The following NAV2 variants were observed in gnomAD, a reference collection of about 807,000 sequenced individuals.
The protein encoded by NAV2 is neuron navigator 2.
NAV2 carries 54 observed loss-of-function variants against 223.2 expected under a neutral mutation model. That is an observed-to-expected ratio of 0.24 (90% confidence interval 0.19 to 0.30). The LOEUF is 0.30. NAV2 is among the 10% of genes least tolerant of loss of function. NAV2 has a pLI of 1.00. For synonymous variants in NAV2, 1,279 were observed against 1,239.3 expected (o/e 1.03, Z -0.67); for missense variants, 2,806 against 3,147.5 (o/e 0.89, Z 2.60).
chr11:19,971,909 G>A (rs1412230074), intron 10 of NAV2, among the ~76,000 whole-genome samples: 1 of 152,148 alleles, frequency 6.6e-6, no homozygotes, highest in African/African-American at 2.4e-5. Context: ...CACCATGTTG[G>A]CTAGGCTGGT....
Position 19,713,893 on chromosome 11 carries a change from G to T in NAV2, c.198G>T (p.Leu66=). ...TGAAATCGCAGGTGCTGCAGGGGCT[G>T]CAGGAGCCAGCGGGGGAGGGGCTCC... is the stretch of plus-strand genomic sequence containing the variant. ...IPLKSQVLQG[L]QEPAGEGLPL... The change falls in exon 1 of 38, where the codon CTG becomes CTT. Residue 66 remains leucine, a synonymous_variant. Transcript: ENST00000349880. The surrounding 1 kb of genome is among the most constrained non-coding windows in gnomAD (Gnocchi z 7.2). 6.2e-7 allele frequency: 1 copy of T among 1,613,616 alleles called. No homozygotes were observed. The highest frequency in any genetic ancestry group is 1.3e-5 in the African/African-American group (1 of 75,064).
intron 1 of NAV2, among the ~76,000 whole-genome samples, chr11:19,638,870 G>C (rs911414557): frequency 1.3e-5 from 2 of 152,304 alleles, no homozygotes; most frequent in East Asian, 3.9e-4. Flanking sequence ...GCGCACACCT[G>C]TAATCCCAGC....
chr11:19,631,522 T>A (rs1179895691), intron 1 of NAV2, among the ~76,000 whole-genome samples: 1 of 152,210 alleles, frequency 6.6e-6, no homozygotes, highest in Non-Finnish European at 1.5e-5. Context: ...ATCTTTCCTT[T>A]TGTATCTAGA....
rs554356593 is a variant in NAV2 at position 19,910,976 on chromosome 11, G to A, written c.931+18382G>A. On this transcript the variant is annotated intron_variant, in intron 6 of 37. Coordinates refer to ENST00000349880, the MANE Select transcript of NAV2 (RefSeq NM_145117.5). Reference sequence around the variant, plus strand: ...CCCCCAAAATGCCCTTAAGTGTAAGGTAATGCTTAATCCCTGTCTCACTGG... The same window carrying A: ...CCCCCAAAATGCCCTTAAGTGTAAGATAATGCTTAATCCCTGTCTCACTGG... 2.6e-5 allele frequency among the ~76,000 whole-genome samples: 4 copies of A among 151,668 alleles called. No individual in the cohort carries two copies. The South Asian group carries it at 6.3e-4, about 24-fold the overall frequency.
chr11:20,117,523 C>T (rs192209798), intron 37 of NAV2, among the ~76,000 whole-genome samples: 1 of 152,300 alleles, frequency 6.6e-6, no homozygotes, highest in Non-Finnish European at 1.5e-5. Flanking sequence ...GCTCTTTGCA[C>T]TCGGAGCCTT....
At position 20,044,115 on chromosome 11, in the gene NAV2, T is replaced by C. The variant is rs1054600185; in HGVS notation, c.3042T>C (p.Asp1014=). Residue 1014 remains aspartate, a synonymous_variant, in exon 13 of 38, where the codon GAT becomes GAC. Coordinates refer to ENST00000349880, the MANE Select transcript of NAV2 (RefSeq NM_145117.5). Reference sequence around the variant, plus strand: ...CCAAGTGGAGGCGGAATCCTTCTGATGTGTCTGACGAGTCCGACAAAAGCA... The same window carrying C: ...CCAAGTGGAGGCGGAATCCTTCTGACGTGTCTGACGAGTCCGACAAAAGCA... ...PGSKWRRNPS[D]VSDESDKSTS... is the part of the protein sequence containing the mutation. 2 of 1,614,078 alleles carry C rather than the reference T, an allele frequency of 1.2e-6. No individual in the cohort carries two copies. The highest frequency in any genetic ancestry group is 1.3e-5 in the African/African-American group (1 of 74,928).
At chr11:19,875,792 T>C (rs2062799225) in intron 4 of NAV2, among the ~76,000 whole-genome samples, 1 of 152,218 alleles carries the variant, frequency 6.6e-6, no homozygotes, top group Non-Finnish European at 1.5e-5. Flanking sequence ...AAGATTACCA[T>C]TGAGTTTTCT....
At chr11:19,782,569 A>T (rs916267482) in intron 1 of NAV2, among the ~76,000 whole-genome samples, 1 of 152,316 alleles carries the variant, frequency 6.6e-6, no homozygotes, top group South Asian at 2.1e-4. Flanking sequence ...CCAGCCACCC[A>T]GAAGGCATGT....
intron 1 of NAV2, among the ~76,000 whole-genome samples, chr11:19,742,433 C>T (rs753821503): frequency 6.6e-6 from 1 of 152,222 alleles, no homozygotes; most frequent in Non-Finnish European, 1.5e-5. Flanking sequence ...ACTTTAAGGC[C>T]AGAATAAATT....
At chr11:19,608,826 A>G (rs1197620448) in intron 1 of NAV2, among the ~76,000 whole-genome samples, 1 of 152,236 alleles carries the variant, frequency 6.6e-6, no homozygotes, top group Non-Finnish European at 1.5e-5. Context: ...TCTAGGTGTC[A>G]GCAGGGCTGC....
chr11:20,069,880 C>A (rs1382210698), intron 22 of NAV2, among the ~76,000 whole-genome samples: 1 of 152,150 alleles, frequency 6.6e-6, no homozygotes, highest in Admixed American at 6.5e-5. Flanking sequence ...GGAACCATTT[C>A]TCTTTAAGGT....
chr11:19,528,875 A>G (rs1323382667), intron 1 of NAV2, among the ~76,000 whole-genome samples: 2 of 142,304 alleles, frequency 1.4e-5, no homozygotes, highest in Non-Finnish European at 3.0e-5. Flanking sequence ...GTTTGCAGTT[A>G]GCTGAGATCA....
At chr11:20,019,124 T>C (rs1183706636) in intron 11 of NAV2, among the ~76,000 whole-genome samples, 1 of 152,074 alleles carries the variant, frequency 6.6e-6, no homozygotes, top group East Asian at 1.9e-4. Context: ...TGGAGAAAGA[T>C]TGCTGCCCCT....
Position 20,103,658 on chromosome 11 carries a change from A to C in NAV2, c.6578A>C (p.Tyr2193Ser), listed in dbSNP as rs1418262987. ...LLNCKYHKCPYIIGTMNQATS... is the reference protein window; with the variant it reads ...LLNCKYHKCPSIIGTMNQATS... ...TTCCTTTATTTTATCCGCAGCCCTTACATAATTGGCACAATGAACCAGGCT... is the reference window on the plus strand; with the variant it reads ...TTCCTTTATTTTATCCGCAGCCCTTCCATAATTGGCACAATGAACCAGGCT... The change falls in exon 34 of 38, where the codon TAC (tyrosine) becomes TCC (serine). Residue 2193 changes from tyrosine to serine, a missense_variant. By Grantham distance (144) the Tyr-to-Ser change is moderately radical. Around this residue, in one of 4 missense-constraint regions of NAV2, gnomAD observed 824 missense variants for 1,069.4 expected, o/e 0.77. Coordinates refer to ENST00000349880, the MANE Select transcript of NAV2 (RefSeq NM_145117.5). The C allele has an allele frequency of 3.1e-6, 5 of 1,613,988 alleles. No individual in the cohort carries two copies. Among genetic ancestry groups the C allele is most frequent in the Non-Finnish European group, 4.2e-6 (5 of 1,179,900 alleles).
intron 33 of NAV2, 32 bp downstream of exon 33, chr11:20,103,441 C>T (rs199927348): frequency 2.3e-5 from 37 of 1,602,762 alleles, no homozygotes; most frequent in East Asian, 1.1e-4. Flanking sequence ...CATAGCCCCC[C>T]GGGAGAGAGT....
chr11:19,735,904 A>G (rs1462168403), intron 1 of NAV2, among the ~76,000 whole-genome samples: 2 of 152,218 alleles, frequency 1.3e-5, no homozygotes, highest in Non-Finnish European at 1.5e-5. Context: ...GGAAGGAGCT[A>G]GAATGCTGGG....
intron 1 of NAV2, among the ~76,000 whole-genome samples, chr11:19,598,822 A>G (rs543405039): frequency 4.6e-5 from 7 of 152,286 alleles, no homozygotes; most frequent in African/African-American, 1.7e-4. Context: ...ATGCTTCACA[A>G]TGCAAATATC....
intron 5 of NAV2, among the ~76,000 whole-genome samples, chr11:19,882,706 C>T (rs748275102): frequency 2.3e-4 from 35 of 152,176 alleles, no homozygotes; most frequent in Non-Finnish European, 2.5e-4. Context: ...AGTGCTTTAC[C>T]TAAAGAAGAG....
At chr11:19,847,396 T>C (rs1266259771) in intron 3 of NAV2, among the ~76,000 whole-genome samples, 1 of 152,236 alleles carries the variant, frequency 6.6e-6, no homozygotes, top group Non-Finnish European at 1.5e-5. Context: ...CTTTAGCTGA[T>C]CTTGGACCTG....
Sources: gnomAD v4.1 joint callset for allele counts (sites outside exome capture counted in the v4.1 genomes callset) on GRCh38, gnomAD v4.1.1 for gene constraint, gnomAD v4.1.1 regional missense constraint, Gnocchi (gnomAD v3.1) non-coding constraint, MANE v1.5 for transcripts, NCBI Gene and HGNC (gene_info 2026-07-23, HGNC 2026-07-21) for gene names.